Variants in DMXL1 observed in about 807,000 individuals in gnomAD.
The protein encoded by DMXL1 is dmX-like protein 1.
DMXL1 carries 99 observed loss-of-function variants against 319.2 expected under a neutral mutation model. That is an observed-to-expected ratio of 0.31 (90% CI 0.26 to 0.37). DMXL1 has a LOEUF of 0.37. DMXL1 is among the 10% of genes least tolerant of loss of function. The pLI is 1.00. For synonymous variants in DMXL1, 1,385 were observed against 1,235.2 expected, an observed-to-expected ratio of 1.12 and a Z score of -2.54; for missense variants, 3,745 against 3,595.6, an observed-to-expected ratio of 1.04 and a Z score of -1.06.
intron 10 of DMXL1, among the ~76,000 whole-genome samples, chr5:119,132,261 G>A (rs959193461): frequency 6.6e-6 from 1 of 152,160 alleles, no homozygotes; most frequent in Non-Finnish European, 1.5e-5. Flanking sequence ...ATTATAAGGT[G>A]GCGAAAGAGG....
rs2150140969 is a variant in DMXL1 at position 119,150,034 on chromosome 5, G to A, written c.4207G>A (p.Val1403Ile). 2 of 1,613,940 alleles carry A rather than the reference G, an allele frequency of 1.2e-6. No homozygotes were observed. The highest frequency in any genetic ancestry group is 2.2e-5 in the East Asian group (1 of 44,884). ...ENTDYTEIDS[V>I]PPLPLYALLA... ...TACAGATTACACAGAAATAGATTCT[G>A]TTCCTCCACTTCCTTTATATGCCTT... The change falls in exon 18 of 44, where the codon GTT (valine) becomes ATT (isoleucine). Residue 1403 changes from valine to isoleucine, a missense_variant. Transcript: ENST00000539542.
At chr5:119,191,664 T>TG (rs1434792938) in intron 29 of DMXL1, among the ~76,000 whole-genome samples, 1 of 152,198 alleles carries the variant, frequency 6.6e-6, no homozygotes, top group Admixed American at 6.5e-5. Flanking sequence ...TCAAAGTAGT[T>TG]GAGATGTTAC....
chr5:119,110,441 C>T (rs1392617009), intron 5 of DMXL1, among the ~76,000 whole-genome samples, 158 bp downstream of exon 5: 4 of 152,096 alleles, frequency 2.6e-5, no homozygotes, highest in Non-Finnish European at 4.4e-5. Context: ...CTCTATTTCC[C>T]GTGTTCTACA....
intron 1 of DMXL1, among the ~76,000 whole-genome samples, chr5:119,085,333 A>AAAAT (rs202033508): frequency 0.02 from 3,083 of 150,876 alleles, 53 homozygotes; most frequent in African/African-American, 0.038. Context: ...CTTTGTCTCA[A>AAAAT]AAATAAATAA....
intron 19 of DMXL1, among the ~76,000 whole-genome samples, chr5:119,163,723 G>C (rs1168582337): frequency 2.6e-5 from 4 of 152,184 alleles, no homozygotes; most frequent in African/African-American, 9.7e-5. Context: ...CGAGTAGCTG[G>C]GACTACCATG....
intron 2 of DMXL1, among the ~76,000 whole-genome samples, chr5:119,100,435 C>T (rs539766076): frequency 6.9e-6 from 1 of 144,308 alleles, no homozygotes; most frequent in Non-Finnish European, 1.5e-5. Flanking sequence ...GACTCCGTCT[C>T]ATAAAAAAAA....
intron 28 of DMXL1, among the ~76,000 whole-genome samples, chr5:119,181,320 G>C (rs1776735028): frequency 6.6e-6 from 1 of 152,234 alleles, no homozygotes; most frequent in Middle Eastern, 3.4e-3. Context: ...GGTAGGGCTG[G>C]ATATAGTCAT....
At chr5:119,091,135 A>G (rs750458266) in intron 1 of DMXL1, among the ~76,000 whole-genome samples, 6 of 152,154 alleles carry the variant, frequency 3.9e-5, no homozygotes, top group Non-Finnish European at 7.3e-5. Context: ...GAGAGCTCAC[A>G]TATCGCCTAC....
In DMXL1 at chr5:119,082,062, C is replaced by T. The variant is rs150399341; in HGVS notation, c.87+10406C>T. ...ACACACACACACACACACACATACA[C>T]GTATATACATGTTCTTAGAATGTTT... On this transcript the variant is annotated intron_variant, in intron 1 of 43. Coordinates refer to ENST00000539542, the MANE Select transcript of DMXL1 (RefSeq NM_001290321.3). Among the ~76,000 whole-genome samples the T allele has an allele frequency of 7.4e-3, 1,074 of 144,818 alleles. 7 individuals are homozygous for T. The highest frequency in any genetic ancestry group is 0.015 in the Admixed American group (220 of 14,352).
At chr5:119,114,718 G>T (rs1230273255) in intron 6 of DMXL1, among the ~76,000 whole-genome samples, 177 bp downstream of exon 6, 1 of 152,044 alleles carries the variant, frequency 6.6e-6, no homozygotes, top group Admixed American at 6.6e-5. Context: ...ATCCAGACTG[G>T]AGTGCAGTGG....
chr5:119,178,135 G>T lies in DMXL1; in HGVS notation c.7026G>T (p.Glu2342Asp), dbSNP rs758754554. The change falls in exon 28 of 44, where the codon GAG becomes GAT. Residue 2342 changes from glutamate (E) to aspartate (D), a missense_variant. By Grantham distance (45) the Glu-to-Asp change is conservative. This residue lies in a region of DMXL1 where 1,382 missense variants were observed against 1,269.5 expected (regional missense o/e 1.09). Coordinates refer to ENST00000539542, the MANE Select transcript of DMXL1 (RefSeq NM_001290321.3). ...IHGLATHSSN[E>D]LFRIVAHPLN... ...GCCTGGCCACACATTCAAGTAATGA[G>T]CTATTTCGGATTGTGGCCCATCCTC... 3.1e-6 allele frequency: 5 copies of T among 1,613,976 alleles called. No individual in the cohort carries two copies. Among genetic ancestry groups the T allele is most frequent in the Admixed American group, 1.7e-5 (1 of 60,000 alleles).
chr5:119,143,828 T>TA lies in DMXL1; in HGVS notation c.2377-13_2377-12insA. On this transcript the variant is annotated splice_polypyrimidine_tract_variant and intron_variant, in intron 13 of 43. Coordinates refer to ENST00000539542, the MANE Select transcript of DMXL1 (RefSeq NM_001290321.3). ...ATTGTTTAGTAAATTATAAATTTTT[T>TA]TAAAAAAAACAGAAATATGTTGGTG... 1.3e-6 allele frequency: 2 copies of TA among 1,545,464 alleles called. No homozygotes were observed. The highest frequency in any genetic ancestry group is 1.7e-6 in the Non-Finnish European group (2 of 1,146,222).
chr5:119,247,020 T>C lies in DMXL1; in HGVS notation c.8948T>C (p.Leu2983Pro), dbSNP rs771379865. 1 of 1,612,896 alleles carries C rather than the reference T, an allele frequency of 6.2e-7. No homozygotes were observed. The highest frequency in any genetic ancestry group is 1.3e-5 in the African/African-American group (1 of 74,998). The change falls in exon 44 of 44, where the codon CTT becomes CCT. Residue 2983 changes from leucine to proline, a missense_variant. Physicochemically the swap from Leu to Pro is moderately conservative, Grantham distance 98. This residue lies in a region of DMXL1 where 262 missense variants were observed against 320.5 expected (regional missense o/e 0.82). Coordinates refer to ENST00000539542, the MANE Select transcript of DMXL1 (RefSeq NM_001290321.3). ...IKIWSLSTFG[L>P]LHTFVSEHAR... ...ATTTGGAGTCTCTCTACCTTTGGTC[T>C]TCTCCATACTTTTGTCAGTGAACAT...
At chr5:119,226,997 T>G (rs763981633) in intron 38 of DMXL1, among the ~76,000 whole-genome samples, 3 of 151,828 alleles carry the variant, frequency 2.0e-5, no homozygotes, top group Non-Finnish European at 2.9e-5. Context: ...TGTTCAAGAG[T>G]TTTTATAGAA....
chr5:119,226,229 G>GA (rs1227555015), intron 38 of DMXL1, among the ~76,000 whole-genome samples: 2 of 152,092 alleles, frequency 1.3e-5, no homozygotes, highest in Non-Finnish European at 1.5e-5. Flanking sequence ...TAAGACACCT[G>GA]AAAAATTAAA....
chr5:119,232,238 G>A (rs1164614681), intron 38 of DMXL1, among the ~76,000 whole-genome samples: 4 of 152,136 alleles, frequency 2.6e-5, no homozygotes, highest in East Asian at 3.8e-4. Flanking sequence ...CTATGCAAGC[G>A]CATTGGGGGA....
intron 28 of DMXL1, among the ~76,000 whole-genome samples, chr5:119,180,238 C>G (rs1421158990): frequency 6.6e-6 from 1 of 152,160 alleles, no homozygotes; most frequent in African/African-American, 2.4e-5. Flanking sequence ...CGTATTTGAC[C>G]TAACCACAAA....
intron 22 of DMXL1, among the ~76,000 whole-genome samples, chr5:119,167,328 C>T (rs938039432): frequency 6.6e-6 from 1 of 152,048 alleles, no homozygotes; most frequent in Non-Finnish European, 1.5e-5. Context: ...CTTAAATTGA[C>T]GTCATTTAAA....
intron 16 of DMXL1, 125 bp downstream of exon 16, chr5:119,147,081 A>G (rs2150126641): frequency 8.6e-7 from 1 of 1,156,130 alleles, no homozygotes; most frequent in Admixed American, 2.7e-5. Context: ...ACTGTAGATT[A>G]TTCAATTAAT....
Sources: allele counts gnomAD v4.1 joint callset (sites outside exome capture counted in the v4.1 genomes callset), GRCh38; gene constraint gnomAD v4.1.1; regional missense constraint gnomAD v4.1.1; transcripts MANE v1.5; gene names NCBI Gene and HGNC (gene_info 2026-07-23, HGNC 2026-07-21).